The following UNC13A variants were observed in gnomAD, a reference collection of about 807,000 sequenced individuals.
The protein encoded by UNC13A is unc-13 homolog A.
A neutral mutation model predicts 219.7 loss-of-function variants in UNC13A; 61 were observed. The observed-to-expected ratio is 0.28, with a 90% CI of 0.23 to 0.34. The LOEUF (loss-of-function observed/expected upper bound fraction) is 0.34. Among genes scored for constraint, UNC13A ranks in the 10% least tolerant of loss-of-function variants. The probability of loss-of-function intolerance (pLI) is 1.00; values close to 1 mark genes in which losing one functional copy is unlikely to be tolerated. For synonymous variants in UNC13A, 920 were observed against 884.6 expected (o/e 1.04, Z -0.71); for missense variants, 1,476 against 2,270.3 (o/e 0.65, Z 7.11).
At chr19:17,657,256 A>G (rs554722219) in intron 9 of UNC13A, among the ~76,000 whole-genome samples, 26 of 152,214 alleles carry the variant, frequency 1.7e-4, no homozygotes, top group Admixed American at 1.4e-3. Context: ...CGCCTCCTCC[A>G]TTCCGGCCAC....
intron 41 of UNC13A, 48 bp from the exon 42 acceptor site, chr19:17,611,903 A>G: frequency 6.5e-7 from 1 of 1,544,172 alleles, no homozygotes; most frequent in Non-Finnish European, 8.9e-7. Context: ...GTTCTTTCCC[A>G]CCCACCAGGA....
intron 6 of UNC13A, among the ~76,000 whole-genome samples, chr19:17,666,983 G>C (rs1038766957): frequency 2.5e-4 from 38 of 152,118 alleles, no homozygotes; most frequent in Non-Finnish European, 5.0e-4. Context: ...GCCAGGTGCA[G>C]TGACTCACAC....
At chr19:17,653,825 T>C (rs1221301297) in intron 11 of UNC13A, among the ~76,000 whole-genome samples, 1 of 125,346 alleles carries the variant, frequency 8.0e-6, no homozygotes, top group Non-Finnish European at 1.7e-5. Context: ...ACTTCTCTTT[T>C]TTTTTTTTTT....
chr19:17,662,214 C>T (rs12971630), intron 8 of UNC13A, among the ~76,000 whole-genome samples: 10,298 of 151,706 alleles, frequency 0.068, 562 homozygotes, highest in African/African-American at 0.15. Context: ...TGTACTCCAT[C>T]CAGCCTGGGC....
At chr19:17,634,495 T>C (rs2076892164) in intron 26 of UNC13A, among the ~76,000 whole-genome samples, 1 of 151,942 alleles carries the variant, frequency 6.6e-6, no homozygotes, top group Admixed American at 6.5e-5. Flanking sequence ...CGAGCCACTA[T>C]GCCCGGCTAA....
intron 1 of UNC13A, among the ~76,000 whole-genome samples, chr19:17,678,643 C>T (rs2079947052): frequency 6.6e-6 from 1 of 152,046 alleles, no homozygotes; most frequent in Non-Finnish European, 1.5e-5. Flanking sequence ...AGCGCACCCA[C>T]CCAGCACCTC....
chr19:17,633,090 C>A lies in UNC13A; in HGVS notation c.3301+18G>T, dbSNP rs1022862733. 6.2e-7 allele frequency: 1 copy of A among 1,613,702 alleles called. No individual in the cohort carries two copies. The highest frequency in any genetic ancestry group is 1.3e-5 in the African/African-American group (1 of 74,908). The stretch of plus-strand genomic sequence containing the variant: ...CCTGGTGTGGCCAGGCTGGGGAACA[C>A]TGGGGTGGGAAACTCACCCTCCATG... On this transcript the variant is annotated intron_variant, in intron 27 of 43. Coordinates refer to ENST00000519716, the MANE Select transcript of UNC13A (RefSeq NM_001080421.3).
chr19:17,638,988 A>G, intron 25 of UNC13A, 95 bp downstream of exon 25: 3 of 1,394,762 alleles, frequency 2.2e-6, no homozygotes, highest in Non-Finnish European at 2.8e-6. Context: ...ACTGAGGTTC[A>G]GAAGAGTTAA....
intron 40 of UNC13A, 46 bp from the exon 41 acceptor site, chr19:17,617,895 A>G (rs1417568586): frequency 3.1e-6 from 5 of 1,608,370 alleles, no homozygotes; most frequent in Non-Finnish European, 2.5e-6. Context: ...GGGAACCTCT[A>G]CCCACTCATA....
At chr19:17,665,203 G>GA (rs11438652) in intron 7 of UNC13A, among the ~76,000 whole-genome samples, 79,379 of 146,124 alleles carry the variant, frequency 0.54, 23,831 homozygotes, top group African/African-American at 0.79. Flanking sequence ...CTATCTCCAA[G>GA]AAAAAAAAAA....
rs1599376986 is a variant in UNC13A, at chr19:17,649,271, CTG to C, written c.1524+66_1524+67del. On this transcript the variant is annotated intron_variant, in intron 14 of 43. Transcript: ENST00000519716. This position sits in a 1 kb window ranked among gnomAD's most constrained non-coding sequence, Gnocchi z 4.4. ...CCCCCATAATCCATGAATTGGGGGC[CTG>C]TTAGAAGATCCCAGTGGGGGAGTTT... 2 of 1,542,386 alleles carry C rather than the reference CTG, an allele frequency of 1.3e-6. No homozygotes were observed. The highest frequency in any genetic ancestry group is 2.4e-5 in the East Asian group (1 of 41,322).
intron 17 of UNC13A, among the ~76,000 whole-genome samples, chr19:17,646,749 A>T (rs2077031319): frequency 6.6e-6 from 1 of 151,898 alleles, no homozygotes; most frequent in Admixed American, 6.6e-5. Context: ...AACCCACATA[A>T]CCTGAAATCC....
chr19:17,616,175 C>T (rs2076660182), intron 41 of UNC13A, among the ~76,000 whole-genome samples: 1 of 152,132 alleles, frequency 6.6e-6, no homozygotes, highest in African/African-American at 2.4e-5. Flanking sequence ...AAAAATATGT[C>T]ATATCAGGAG....
Position 17,604,709 on chromosome 19 carries a change from G to A in UNC13A, c.*1345C>T, listed in dbSNP as rs1818638119. On this transcript the variant is annotated 3_prime_UTR_variant, in exon 44 of 44. Transcript: ENST00000519716. ...TTCCCCTAAGGTCCTATGTGCACCAGGTAACTCCAGCCAGGTCACTGTAAC... is the reference window on the plus strand; with the variant it reads ...TTCCCCTAAGGTCCTATGTGCACCAAGTAACTCCAGCCAGGTCACTGTAAC... The A allele has an allele frequency of 1.3e-5, 2 of 152,290 alleles. No individual in the cohort carries two copies. The highest frequency in any genetic ancestry group is 6.5e-5 in the Admixed American group (1 of 15,278). 9.4% of individuals were successfully genotyped at this position (152,290 alleles called of 1,614,324 possible). A position where few individuals can be genotyped will look rare whatever the true frequency, so the allele number is the denominator to read the frequency against.
intron 41 of UNC13A, chr19:17,616,435 G>A (rs1271627865): frequency 1.4e-6 from 1 of 698,810 alleles, no homozygotes; most frequent in Non-Finnish European, 2.6e-6. Context: ...TCTTCACTAA[G>A]GGTAAACCTA....
chr19:17,652,566 G>A, intron 12 of UNC13A, 65 bp downstream of exon 12: 1 of 1,607,286 alleles, frequency 6.2e-7, no homozygotes, highest in Non-Finnish European at 8.5e-7. Flanking sequence ...TGAGGCTCAG[G>A]CGCAAACCAG....
intron 4 of UNC13A, 92 bp from the exon 5 acceptor site, chr19:17,669,768 C>T: frequency 7.0e-7 from 1 of 1,432,984 alleles, no homozygotes. Flanking sequence ...CCCCCTCACC[C>T]CTACCCCAAA....
intron 40 of UNC13A, 122 bp downstream of exon 40, chr19:17,618,299 A>C: frequency 1.4e-5 from 15 of 1,056,214 alleles, no homozygotes; most frequent in Non-Finnish European, 2.1e-5. Flanking sequence ...AGACAGGGGA[A>C]CGAGGGAGTG....
In UNC13A at chr19:17,606,471, C is replaced by A. The variant is rs1205620486; in HGVS notation, c.4812-117G>T. 3.0e-6 allele frequency: 4 copies of A among 1,337,984 alleles called. No individual in the cohort carries two copies. The African/African-American group carries it at 4.5e-5, about 15-fold the overall frequency. The allele number at this position is 1,337,984 out of a possible 1,614,324, so 82.9% of individuals were successfully genotyped here. ...CACACCGGGGTGCCCACACCTGTCA[C>A]CTCCCACGCTACGCTAGCCCCGCCC... is the stretch of plus-strand genomic sequence containing the variant. On this transcript the variant is annotated intron_variant, in intron 43 of 43. Transcript: ENST00000519716.
Sources: allele counts gnomAD v4.1 joint callset (sites outside exome capture counted in the v4.1 genomes callset), GRCh38; gene constraint gnomAD v4.1.1; non-coding constraint Gnocchi (gnomAD v3.1); transcripts MANE v1.5; gene names NCBI Gene and HGNC (gene_info 2026-07-23, HGNC 2026-07-21).